Variants in TASP1 observed in about 807,000 individuals in gnomAD.
The protein encoded by TASP1 is threonine aspartase 1.
In TASP1, 16 loss-of-function variants were observed where a neutral mutation model predicts 56.6. The observed-to-expected ratio is 0.28, with a 90% CI of 0.19 to 0.43. The LOEUF (loss-of-function observed/expected upper bound fraction) is 0.43. Ranked by LOEUF, TASP1 falls within the 20% of genes least tolerant of loss-of-function variation. The pLI is 1.00. For synonymous variants in TASP1, 179 were observed against 184.2 expected (o/e 0.97, Z 0.23); for missense variants, 393 against 511.6 (o/e 0.77, Z 2.24).
chr20:13,192,731 GT>G, the TASP1 span, among the ~76,000 whole-genome samples: 52 of 141,174 alleles, frequency 3.7e-4, no homozygotes, highest in South Asian at 4.6e-4. Context: ...TTTTGTTTTT[GT>G]TTTTTTTTTT....
chr20:13,343,601 C>A, the TASP1 span, among the ~76,000 whole-genome samples: 1 of 150,536 alleles, frequency 6.6e-6, no homozygotes, highest in Admixed American at 6.6e-5. Flanking sequence ...CCCGCCCCCA[C>A]TGTGGTTCCT....
chr20:13,181,157 C>A, the TASP1 span, among the ~76,000 whole-genome samples: 51 of 152,208 alleles, frequency 3.4e-4, no homozygotes, highest in Non-Finnish European at 6.9e-4. Flanking sequence ...AGGAGCAACT[C>A]TCTCCCATGA....
intron 7 of TASP1, among the ~76,000 whole-genome samples, chr20:13,563,775 G>A (rs551212731): frequency 1.3e-5 from 2 of 151,756 alleles, no homozygotes; most frequent in Non-Finnish European, 2.9e-5. Flanking sequence ...AAAGTGCTGG[G>A]ATTATAGGCA....
At chr20:13,518,622 A>C (rs182948260) in intron 10 of TASP1, among the ~76,000 whole-genome samples, 1 of 152,182 alleles carries the variant, frequency 6.6e-6, no homozygotes, top group African/African-American at 2.4e-5. Context: ...TCACTGGCTT[A>C]CCCCACCACA....
the TASP1 span, among the ~76,000 whole-genome samples, chr20:13,335,228 G>A: frequency 6.6e-6 from 1 of 151,984 alleles, no homozygotes; most frequent in Non-Finnish European, 1.5e-5. Flanking sequence ...CATGACCAGA[G>A]AAGAGCATAG....
chr20:13,295,683 C>T, the TASP1 span, among the ~76,000 whole-genome samples: 4 of 152,196 alleles, frequency 2.6e-5, no homozygotes, highest in African/African-American at 9.6e-5. Flanking sequence ...GCTTTCAGAT[C>T]GAGGTGCATG....
chr20:13,232,865 A>G, the TASP1 span, among the ~76,000 whole-genome samples: 5 of 152,318 alleles, frequency 3.3e-5, no homozygotes, highest in South Asian at 8.3e-4. Context: ...TACTGAAAGA[A>G]GGAGAGAAGA....
At chr20:13,221,775 G>A in the TASP1 span, 1 of 1,446,010 alleles carries the variant, frequency 6.9e-7, no homozygotes, top group Non-Finnish European at 9.1e-7. Flanking sequence ...CGTCTCAAAA[G>A]GATGGTGCGC....
At chr20:13,213,547 C>G in the TASP1 span, among the ~76,000 whole-genome samples, 1 of 152,170 alleles carries the variant, frequency 6.6e-6, no homozygotes, top group African/African-American at 2.4e-5. Context: ...GCCCACTGCC[C>G]TGAGGGAGTT....
the TASP1 span, among the ~76,000 whole-genome samples, chr20:13,318,906 T>A: frequency 6.6e-6 from 1 of 152,200 alleles, no homozygotes; most frequent in Non-Finnish European, 1.5e-5. Context: ...CACAGAACAC[T>A]TTCAGGACAG....
chr20:13,626,900 G>GCC (rs900370890), intron 2 of TASP1, among the ~76,000 whole-genome samples: 8 of 103,640 alleles, frequency 7.7e-5, no homozygotes, highest in African/African-American at 1.6e-4. Flanking sequence ...TCTCAGCAGA[G>GCC]CCCCCCCCCC....
chr20:13,534,705 A>T (rs1002419264), intron 8 of TASP1, among the ~76,000 whole-genome samples: 1 of 152,198 alleles, frequency 6.6e-6, no homozygotes, highest in Non-Finnish European at 1.5e-5. Context: ...TCTCTCCTAT[A>T]ACAGTAACAT....
chr20:13,499,925 C>T (rs530645383), intron 10 of TASP1, among the ~76,000 whole-genome samples: 2 of 151,920 alleles, frequency 1.3e-5, no homozygotes, highest in Non-Finnish European at 2.9e-5. Context: ...GGGAGCTATA[C>T]AATGAGTACA....
chr20:13,575,857 A>G (rs2046885869), intron 6 of TASP1, among the ~76,000 whole-genome samples: 2 of 152,152 alleles, frequency 1.3e-5, no homozygotes, highest in South Asian at 4.1e-4. Flanking sequence ...AATTAGTTAA[A>G]AGAATCCAGG....
chr20:13,118,672 G>GTT, the TASP1 span, among the ~76,000 whole-genome samples: 1 of 152,134 alleles, frequency 6.6e-6, no homozygotes, highest in East Asian at 1.9e-4. Flanking sequence ...CTCAGCCTAG[G>GTT]ATGCCACACC....
chr20:13,417,813 C>T (rs1316448842), intron 12 of TASP1, among the ~76,000 whole-genome samples: 1 of 152,090 alleles, frequency 6.6e-6, no homozygotes, highest in Admixed American at 6.6e-5. Flanking sequence ...CACACTCGTA[C>T]ATACGGTACA....
chr20:13,326,194 G>A, the TASP1 span, among the ~76,000 whole-genome samples: 1 of 152,142 alleles, frequency 6.6e-6, no homozygotes, highest in East Asian at 1.9e-4. Flanking sequence ...ATGCACCAGA[G>A]CTTGTTTATC....
At chr20:13,321,442 C>T in the TASP1 span, among the ~76,000 whole-genome samples, 8 of 152,150 alleles carry the variant, frequency 5.3e-5, no homozygotes, top group South Asian at 2.1e-4. Flanking sequence ...AGGGGATTGT[C>T]GCTTGGATCC....
At chr20:13,305,941 G>T in the TASP1 span, among the ~76,000 whole-genome samples, 1 of 152,224 alleles carries the variant, frequency 6.6e-6, no homozygotes, top group Non-Finnish European at 1.5e-5. Context: ...TTTAGTGGCA[G>T]GGGAATGAGT....
Sources: gnomAD v4.1 joint callset for allele counts (sites outside exome capture counted in the v4.1 genomes callset) on GRCh38, gnomAD v4.1.1 for gene constraint, MANE v1.5 for transcripts, NCBI Gene and HGNC (gene_info 2026-07-23, HGNC 2026-07-21) for gene names.